The following EXOC6B variants were observed in gnomAD, a reference collection of about 807,000 sequenced individuals.
EXOC6B encodes exocyst complex component 6B.
A neutral mutation model predicts 113.5 loss-of-function variants in EXOC6B; 54 were observed. That is an observed-to-expected ratio of 0.48 (90% confidence interval 0.38 to 0.60). EXOC6B has a LOEUF of 0.60. Among genes scored for constraint, EXOC6B ranks in the 20% least tolerant of loss-of-function variants. The pLI, the probability that EXOC6B is intolerant of heterozygous loss-of-function variation, is 0.00. For synonymous variants in EXOC6B, 357 were observed against 339.0 expected, an observed-to-expected ratio of 1.05 and a Z score of -0.58; for missense variants, 797 against 977.5, an observed-to-expected ratio of 0.82 and a Z score of 2.46.
At chr2:72,330,646 G>C (rs1468212150) in intron 20 of EXOC6B, among the ~76,000 whole-genome samples, 2 of 151,888 alleles carry the variant, frequency 1.3e-5, no homozygotes, top group Non-Finnish European at 2.9e-5. Context: ...GCCTCTTTTT[G>C]CACTTATAGG....
intron 20 of EXOC6B, among the ~76,000 whole-genome samples, chr2:72,316,335 T>C (rs1205100559): frequency 6.6e-6 from 1 of 152,304 alleles, no homozygotes; most frequent in East Asian, 1.9e-4. Context: ...TCTAGCTGCA[T>C]GGAGCACTTC....
At chr2:72,551,220 C>T (rs568512619) in intron 8 of EXOC6B, among the ~76,000 whole-genome samples, 4 of 152,178 alleles carry the variant, frequency 2.6e-5, no homozygotes, top group African/African-American at 9.6e-5. Context: ...TCATAAAATC[C>T]GGAGTCTCGC....
intron 6 of EXOC6B, among the ~76,000 whole-genome samples, chr2:72,583,383 A>C (rs1256581578): frequency 6.6e-6 from 1 of 152,202 alleles, no homozygotes; most frequent in Non-Finnish European, 1.5e-5. Flanking sequence ...CACAACATGA[A>C]CATCATCAAG....
intron 20 of EXOC6B, among the ~76,000 whole-genome samples, chr2:72,311,867 G>A (rs1231507417): frequency 3.3e-5 from 5 of 152,314 alleles, no homozygotes; most frequent in Admixed American, 3.3e-4. Flanking sequence ...GAAGGAGCAG[G>A]GGGATAGGCT....
chr2:72,321,638 C>T (rs1444740146), intron 20 of EXOC6B, among the ~76,000 whole-genome samples: 3 of 151,898 alleles, frequency 2.0e-5, no homozygotes, highest in South Asian at 4.1e-4. Flanking sequence ...AGTATGTTTC[C>T]GTTTATACGC....
chr2:72,454,548 T>C (rs1440147234), intron 18 of EXOC6B, among the ~76,000 whole-genome samples: 1 of 151,996 alleles, frequency 6.6e-6, no homozygotes, highest in African/African-American at 2.4e-5. Context: ...GAAAAGGAAA[T>C]CAAGTATGAA....
chr2:72,582,066 T>C (rs1357229955), intron 6 of EXOC6B, among the ~76,000 whole-genome samples: 2 of 152,208 alleles, frequency 1.3e-5, no homozygotes, highest in East Asian at 3.9e-4. Context: ...ATATAAAATC[T>C]GCGGACAGAA....
chr2:72,495,058 A>G (rs554127462), intron 15 of EXOC6B, among the ~76,000 whole-genome samples: 3 of 152,048 alleles, frequency 2.0e-5, no homozygotes, highest in Admixed American at 2.0e-4. Context: ...GGGTCCCACT[A>G]TGTGGCCCAG....
chr2:72,189,960 T>G (rs1428072759), intron 20 of EXOC6B, among the ~76,000 whole-genome samples: 1 of 145,336 alleles, frequency 6.9e-6, no homozygotes, highest in East Asian at 2.1e-4. Context: ...GCCATTCTCC[T>G]GCCTCAGCCT....
At chr2:72,572,360 C>T (rs1420665798) in intron 7 of EXOC6B, among the ~76,000 whole-genome samples, 1 of 152,154 alleles carries the variant, frequency 6.6e-6, no homozygotes, top group African/African-American at 2.4e-5. Context: ...AGGTGATTCC[C>T]ATGCACATTA....
intron 19 of EXOC6B, among the ~76,000 whole-genome samples, chr2:72,338,982 C>T (rs1688868488): frequency 2.0e-5 from 3 of 151,674 alleles, no homozygotes; most frequent in Non-Finnish European, 2.9e-5. Flanking sequence ...CATACACATA[C>T]ACATTATGTA....
At chr2:72,515,267 C>T (rs1255834817) in intron 8 of EXOC6B, 141 bp from the exon 9 acceptor site, 3 of 920,412 alleles carry the variant, frequency 3.3e-6, no homozygotes, top group Middle Eastern at 3.1e-4. Context: ...TTGATGATAA[C>T]AATAGAAAAT....
chr2:72,205,595 G>C (rs192976129), intron 20 of EXOC6B, among the ~76,000 whole-genome samples: 14 of 152,284 alleles, frequency 9.2e-5, no homozygotes, highest in Admixed American at 7.2e-4. Flanking sequence ...GAAAGGAGTC[G>C]CTCTGTCTCT....
chr2:72,233,895 C>T (rs902578127), intron 20 of EXOC6B, among the ~76,000 whole-genome samples: 6 of 152,116 alleles, frequency 3.9e-5, no homozygotes, highest in African/African-American at 1.4e-4. Context: ...GAGCTTCCAG[C>T]CCAGCAGTCC....
At position 72,339,857 on chromosome 2, in the gene EXOC6B, T is replaced by C. The variant is rs147626564; in HGVS notation, c.2123-4837A>G. On this transcript the variant is annotated intron_variant, in intron 19 of 21. Coordinates refer to ENST00000272427, the MANE Select transcript of EXOC6B (RefSeq NM_015189.3). Reference sequence around the variant, plus strand: ...CAGAGGAGAAAGAAAATCACTAATATACTTTACTTGCCAAATATCTAACTC... The same window carrying C: ...CAGAGGAGAAAGAAAATCACTAATACACTTTACTTGCCAAATATCTAACTC... Among the ~76,000 whole-genome samples, 1,032 of 152,312 alleles carry C rather than the reference T, an allele frequency of 6.8e-3. 12 individuals are homozygous for C. The highest frequency in any genetic ancestry group is 0.023 in the African/African-American group (963 of 41,570).
chr2:72,726,333 C>T (rs1680299812), intron 5 of EXOC6B, among the ~76,000 whole-genome samples: 1 of 152,078 alleles, frequency 6.6e-6, no homozygotes, highest in African/African-American at 2.4e-5. Flanking sequence ...TTCAACTGTA[C>T]ACTTAAAAAT....
At chr2:72,753,243 G>C (rs530208247) in intron 1 of EXOC6B, among the ~76,000 whole-genome samples, 66 of 35,516 alleles carry the variant, frequency 1.9e-3, no homozygotes, top group African/African-American at 0.01. Flanking sequence ...CATGTCTCTT[G>C]AATTAAAAAA....
intron 1 of EXOC6B, among the ~76,000 whole-genome samples, chr2:72,814,004 G>A (rs1473607616): frequency 1.3e-5 from 2 of 152,096 alleles, no homozygotes; most frequent in African/African-American, 4.8e-5. Flanking sequence ...GATATGTTGA[G>A]AACAACAAGA....
At chr2:72,308,151 T>C (rs2104779992) in intron 20 of EXOC6B, among the ~76,000 whole-genome samples, 1 of 152,228 alleles carries the variant, frequency 6.6e-6, no homozygotes, top group South Asian at 2.1e-4. Context: ...AACACCTCAA[T>C]ATTTTCTTTT....
Sources: allele counts gnomAD v4.1 joint callset (sites outside exome capture counted in the v4.1 genomes callset), GRCh38; gene constraint gnomAD v4.1.1; transcripts MANE v1.5; gene names NCBI Gene and HGNC (gene_info 2026-07-23, HGNC 2026-07-21).